LSR: variants seen among roughly 807,000 people sequenced by gnomAD.
The protein encoded by LSR is lipolysis stimulated lipoprotein receptor.
LSR carries 44 observed loss-of-function variants against 61.8 expected under a neutral mutation model. That is an observed-to-expected ratio of 0.71 (90% confidence interval 0.56 to 0.91). The LOEUF is 0.91. LSR is among the 40% of genes least tolerant of loss of function. The pLI is 0.00. For missense variants in LSR, 911 were observed against 830.5 expected, an observed-to-expected ratio of 1.10 and a Z score of -1.19; for synonymous variants, 397 against 350.6, an observed-to-expected ratio of 1.13 and a Z score of -1.48.
At chr19:35,267,756 G>A (rs376990286) in intron 9 of LSR, 22 bp downstream of exon 9, 27 of 1,612,410 alleles carry the variant, frequency 1.7e-5, no homozygotes, top group Middle Eastern at 1.6e-4. Context: ...CCTCCCTGGC[G>A]TCCAGACCGT....
chr19:35,249,151 T>G lies in LSR; in HGVS notation c.109+20T>G. ...GCACAGGTACGGGGCACGGGGCCTC[T>G]GACGCTGCGGAACGCCGGAGGGAAC... On this transcript the variant is annotated intron_variant, in intron 1 of 9. Coordinates refer to ENST00000605618, the MANE Select transcript of LSR (RefSeq NM_205834.4). 6.6e-7 allele frequency: 1 copy of G among 1,518,614 alleles called. No individual in the cohort carries two copies. The highest frequency in any genetic ancestry group is 8.8e-7 in the Non-Finnish European group (1 of 1,139,190). 94.1% of individuals were successfully genotyped at this position (1,518,614 alleles called of 1,614,324 possible).
intron 2 of LSR, among the ~76,000 whole-genome samples, chr19:35,252,885 G>A (rs1006600608): frequency 6.6e-6 from 1 of 152,054 alleles, no homozygotes; most frequent in Non-Finnish European, 1.5e-5. Context: ...GCTGGGCATG[G>A]TGGCATGTGC....
chr19:35,261,551 G>A (rs1465705110), intron 3 of LSR, among the ~76,000 whole-genome samples: 3 of 152,064 alleles, frequency 2.0e-5, no homozygotes, highest in African/African-American at 7.2e-5. Flanking sequence ...CTATTTCGTG[G>A]GCCCTAGGTC....
chr19:35,253,042 G>C (rs954622924), intron 2 of LSR, among the ~76,000 whole-genome samples: 4 of 151,852 alleles, frequency 2.6e-5, no homozygotes, highest in African/African-American at 9.7e-5. Context: ...AAAATAGGCT[G>C]GGCGCAGTGG....
chr19:35,252,044 C>T lies in LSR; in HGVS notation c.454+1385C>T, dbSNP rs369551511. 3.6e-4 allele frequency among the ~76,000 whole-genome samples: 55 copies of T among 150,810 alleles called. No individual in the cohort carries two copies. In the South Asian group the frequency reaches 6.6e-3, roughly 18 times the overall value. On this transcript the variant is annotated intron_variant, in intron 2 of 9. Transcript: ENST00000605618. The stretch of plus-strand genomic sequence containing the variant: ...AGAGACGGGGTTTCACCGTTTTAGC[C>T]GGGATGGTCTCGATCTCCTGACCTC...
At chr19:35,255,736 C>T (rs938512736) in intron 2 of LSR, among the ~76,000 whole-genome samples, 2 of 152,198 alleles carry the variant, frequency 1.3e-5, no homozygotes, top group Admixed American at 1.3e-4. Context: ...TGGCACAGCC[C>T]CCACTCCACG....
Position 35,267,439 on chromosome 19 carries a change from C to G in LSR, c.1475C>G (p.Ser492Trp). 6.2e-7 allele frequency: 1 copy of G among 1,610,730 alleles called. No individual in the cohort carries two copies. Among genetic ancestry groups the G allele is most frequent in the East Asian group, 2.2e-5 (1 of 44,842 alleles). The change falls in exon 9 of 10, where the codon TCG (serine) becomes TGG (tryptophan). Residue 492 changes from serine (S) to tryptophan (W), a missense_variant. By Grantham distance (177) the Ser-to-Trp change is radical. Coordinates refer to ENST00000605618, the MANE Select transcript of LSR (RefSeq NM_205834.4). ...GACGACCTCTATGACCAAGACGACT[C>G]GAGGGACTTCCCACGCTCCCGGGAC... ...SRDDLYDQDD[S>W]RDFPRSRDPH... is the part of the protein sequence containing the mutation.
In LSR at chr19:35,249,069, C is replaced by T. The variant is rs928323393; in HGVS notation, c.47C>T (p.Pro16Leu). The change falls in exon 1 of 10, where the codon CCG (proline) becomes CTG (leucine). Residue 16 changes from proline to leucine, a missense_variant. By Grantham distance (98) the Pro-to-Leu change is moderately conservative. Coordinates refer to ENST00000605618, the MANE Select transcript of LSR (RefSeq NM_205834.4). ...CTCTCCAGAGGGCTGGGCTCCCACC[C>T]GGCCGCCGCAGGCCGGGACGCGGTC... ...GGLSRGLGSH[P>L]AAAGRDAVVF... The T allele has an allele frequency of 1.9e-6, 3 of 1,566,834 alleles. No homozygotes were observed. Among genetic ancestry groups the T allele is most frequent in the Admixed American group, 1.9e-5 (1 of 51,776 alleles).
In LSR at chr19:35,259,083, G is replaced by C; in HGVS notation, c.574+19G>C. ...GTCCTTGGTGAGTGGGCCTGGGAAGGGGGAGGCATGGCCCTTCCTTTTGTC... is the reference window on the plus strand; with the variant it reads ...GTCCTTGGTGAGTGGGCCTGGGAAGCGGGAGGCATGGCCCTTCCTTTTGTC... On this transcript the variant is annotated intron_variant, in intron 3 of 9. Coordinates refer to ENST00000605618, the MANE Select transcript of LSR (RefSeq NM_205834.4). The C allele has an allele frequency of 6.2e-7, 1 of 1,608,722 alleles. No homozygotes were observed.
At chr19:35,256,079 C>T (rs1320625457) in intron 2 of LSR, among the ~76,000 whole-genome samples, 1 of 152,010 alleles carries the variant, frequency 6.6e-6, no homozygotes, top group Non-Finnish European at 1.5e-5. Context: ...ACTAAAAATA[C>T]AAAAATTAGC....
Position 35,267,487 on chromosome 19 carries a change from C to A in LSR, c.1523C>A (p.Ser508Tyr), listed in dbSNP as rs139691797. 1.2e-6 allele frequency: 2 copies of A among 1,610,906 alleles called. No homozygotes were observed. The highest frequency in any genetic ancestry group is 1.7e-4 in the Middle Eastern group (1 of 6,056). ...SRDPHYDDFRSRERPPADPRS... is the reference protein window; with the variant it reads ...SRDPHYDDFRYRERPPADPRS... ...GACCCCCACTACGACGACTTCAGGT[C>A]TCGGGAGCGCCCTCCTGCCGACCCC... Residue 508 changes from serine to tyrosine, a missense_variant, in exon 9 of 10, where the codon TCT becomes TAT. Coordinates refer to ENST00000605618, the MANE Select transcript of LSR (RefSeq NM_205834.4).
intron 2 of LSR, among the ~76,000 whole-genome samples, chr19:35,256,191 G>A (rs1231741989): frequency 6.7e-6 from 1 of 150,178 alleles, no homozygotes; most frequent in Non-Finnish European, 1.5e-5. Context: ...CCAAGATCGT[G>A]CCACTGCACT....
intron 1 of LSR, 103 bp downstream of exon 1, chr19:35,249,234 A>C: frequency 1.5e-6 from 2 of 1,367,888 alleles, no homozygotes; most frequent in Non-Finnish European, 1.9e-6. Context: ...GGGGTCTCAG[A>C]GGCTGGGACC....
chr19:35,258,365 G>T (rs536833075), intron 2 of LSR, among the ~76,000 whole-genome samples: 4 of 152,158 alleles, frequency 2.6e-5, no homozygotes, highest in Admixed American at 2.6e-4. Flanking sequence ...AGAATTGCTT[G>T]AATCTGGGAG....
chr19:35,255,814 A>G (rs1486169262), intron 2 of LSR, among the ~76,000 whole-genome samples: 1 of 152,192 alleles, frequency 6.6e-6, no homozygotes, highest in Non-Finnish European at 1.5e-5. Flanking sequence ...TATGTGACAT[A>G]GTTAACATTT....
chr19:35,267,280 G>C lies in LSR; in HGVS notation c.1316G>C (p.Arg439Thr). The C allele has an allele frequency of 6.6e-7, 1 of 1,511,832 alleles. No individual in the cohort carries two copies. Among genetic ancestry groups the C allele is most frequent in the Non-Finnish European group, 8.9e-7 (1 of 1,129,080 alleles). 93.7% of individuals were successfully genotyped at this position (1,511,832 alleles called of 1,614,324 possible). ...REQAGGGWRARRPRARSVDAL... is the reference protein window; with the variant it reads ...REQAGGGWRATRPRARSVDAL... ...CAGGCAGGCGGGGGCTGGCGGGCCA[G>C]GCGGCCCCGGGCCCGCTCCGTGGAC... The change falls in exon 9 of 10, where the codon AGG becomes ACG. Residue 439 changes from arginine (R) to threonine (T), a missense_variant. Arg to Thr is a moderately conservative substitution (Grantham distance 71). Coordinates refer to ENST00000605618, the MANE Select transcript of LSR (RefSeq NM_205834.4).
chr19:35,249,343 T>C (rs577293223), intron 1 of LSR: 8 of 570,352 alleles, frequency 1.4e-5, no homozygotes, highest in Admixed American at 1.2e-4. Context: ...ATCTGGAAGA[T>C]AGCAGGAAGT....
chr19:35,267,092 A>C lies in LSR; in HGVS notation c.1145-17A>C, dbSNP rs1599609561. 1.3e-6 allele frequency: 2 copies of C among 1,520,860 alleles called. No individual in the cohort carries two copies. Among genetic ancestry groups the C allele is most frequent in the Admixed American group, 2.2e-5 (1 of 44,808 alleles). The allele number at this position is 1,520,860 out of a possible 1,614,324, so 94.2% of individuals were successfully genotyped here. On this transcript the variant is annotated splice_polypyrimidine_tract_variant and intron_variant, in intron 8 of 9. Transcript: ENST00000605618. Reference sequence around the variant, plus strand: ...CCGGGCTCCTCCAGCAGTCAGTGACACCCCCCTTCCCTGCAGCCATGAGTG... The same window carrying C: ...CCGGGCTCCTCCAGCAGTCAGTGACCCCCCCCTTCCCTGCAGCCATGAGTG...
At chr19:35,262,736 G>A in intron 5 of LSR, 44 bp downstream of exon 5, 1 of 1,597,000 alleles carries the variant, frequency 6.3e-7, no homozygotes. Context: ...GCAACATCCT[G>A]CATCCAAGGG....
Sources: gnomAD v4.1 joint callset for allele counts (sites outside exome capture counted in the v4.1 genomes callset) on GRCh38, gnomAD v4.1.1 for gene constraint, MANE v1.5 for transcripts, NCBI Gene and HGNC (gene_info 2026-07-23, HGNC 2026-07-21) for gene names.